Variants in HMCN2 observed in about 807,000 individuals in gnomAD.
HMCN2 encodes hemicentin-2.
A neutral mutation model predicts 377.5 loss-of-function variants in HMCN2; 325 were observed. The ratio of observed to expected loss-of-function variants is 0.86; its 90% CI spans 0.79 to 0.94. The LOEUF is 0.94. Among genes scored for constraint, HMCN2 ranks in the 40% least tolerant of loss-of-function variants. The pLI is 0.00. For synonymous variants in HMCN2, 2,007 were observed against 2,046.8 expected (o/e 0.98, Z 0.53); for missense variants, 4,543 against 4,725.3 (o/e 0.96, Z 1.13).
intron 15 of HMCN2, among the ~76,000 whole-genome samples, chr9:130,311,477 G>A (rs1424089911): frequency 6.6e-6 from 1 of 152,330 alleles, no homozygotes; most frequent in Non-Finnish European, 1.5e-5. Context: ...CACAGGGCAG[G>A]TGAGACACAG....
Position 130,351,485 on chromosome 9 carries a change from C to A in HMCN2, c.4493C>A (p.Thr1498Asn). 7.7e-7 allele frequency: 1 copy of A among 1,304,306 alleles called. No individual in the cohort carries two copies. Among genetic ancestry groups the A allele is most frequent in the African/African-American group, 1.5e-5 (1 of 65,990 alleles). 80.8% of individuals were successfully genotyped at this position (1,304,306 alleles called of 1,614,324 possible). Residue 1498 changes from threonine to asparagine, a missense_variant, in exon 30 of 98, where the codon ACC (threonine) becomes AAC (asparagine). Thr to Asn is a moderately conservative substitution (Grantham distance 65, BLOSUM62 0). This residue lies in a region of HMCN2 where 1,032 missense variants were observed against 1,285.1 expected (regional missense o/e 0.80). Coordinates refer to ENST00000683500, the MANE Select transcript of HMCN2 (RefSeq NM_001291815.2). The surrounding 1 kb of genome is among the most constrained non-coding windows in gnomAD (Gnocchi z 5.4). ...GAGGATGGCCAGGTTCTCAGGATCA[C>A]CGGCAGTCACGTGGGGGATGAGGGA... ...VQEDGQVLRI[T>N]GSHVGDEGRY...
chr9:130,328,866 CTTTCGTATGA>C (rs1396713960), intron 22 of HMCN2, among the ~76,000 whole-genome samples: 1 of 152,080 alleles, frequency 6.6e-6, no homozygotes, highest in African/African-American at 2.4e-5. Flanking sequence ...AACTCGCTCC[CTTTCGTATGA>C]TTTCCCTGCT....
At chr9:130,298,102 G>A (rs1311914665) in intron 7 of HMCN2, among the ~76,000 whole-genome samples, 1 of 152,074 alleles carries the variant, frequency 6.6e-6, no homozygotes, top group Non-Finnish European at 1.5e-5. Flanking sequence ...TTATAGGTGC[G>A]CGCTACACAC....
chr9:130,286,117 G>A (rs1048560536), intron 3 of HMCN2, 71 bp from the exon 4 acceptor site: 5 of 460,670 alleles, frequency 1.1e-5, no homozygotes, highest in Admixed American at 9.5e-5. Flanking sequence ...CACCCTGGTC[G>A]AGGTCCTGCT....
Position 130,433,340 on chromosome 9 carries a change from G to T in HMCN2, c.14895-8G>T. Reference sequence around the variant, plus strand: ...GTCCGCCTGTCCGTGTGTCTGTGCCGCCCGCAGGACGTGCTTCCGGCGCTG... The same window carrying T: ...GTCCGCCTGTCCGTGTGTCTGTGCCTCCCGCAGGACGTGCTTCCGGCGCTG... On this transcript the variant is annotated splice_region_variant and splice_polypyrimidine_tract_variant and intron_variant, in intron 97 of 97. Transcript: ENST00000683500. 3.5e-6 allele frequency: 5 copies of T among 1,436,244 alleles called. No individual in the cohort carries two copies. Among genetic ancestry groups the T allele is most frequent in the Non-Finnish European group, 4.5e-6 (5 of 1,102,670 alleles). The allele number at this position is 1,436,244 out of a possible 1,614,324, so 89.0% of individuals were successfully genotyped here.
Position 130,386,447 on chromosome 9 carries a change from C to G in HMCN2, c.9314C>G (p.Ser3105Trp), listed in dbSNP as rs1000646747. The G allele has an allele frequency of 7.7e-7, 1 of 1,302,912 alleles. No individual in the cohort carries two copies. Among genetic ancestry groups the G allele is most frequent in the African/African-American group, 1.5e-5 (1 of 65,826 alleles). The allele number at this position is 1,302,912 out of a possible 1,614,324, so 80.7% of individuals were successfully genotyped here. A position where few individuals can be genotyped will look rare whatever the true frequency, so the allele number is the denominator to read the frequency against. The part of the protein sequence containing the change: ...QRLEIQEAQV[S>W]DKGLYSCKVS... ...TGTGTGCTCTTCCTCTTTCAGGTAT[C>G]GGATAAAGGTTTATACAGCTGTAAA... Residue 3105 changes from serine (S) to tryptophan (W), a missense_variant, in exon 61 of 98, where the codon TCG (serine) becomes TGG (tryptophan). By Grantham distance (177) the Ser-to-Trp change is radical (BLOSUM62 -3). Transcript: ENST00000683500.
chr9:130,399,598 C>T lies in HMCN2; in HGVS notation c.11571C>T (p.Gly3857=), dbSNP rs1021731092. 6 of 1,289,500 alleles carry T rather than the reference C, an allele frequency of 4.7e-6. No individual in the cohort carries two copies. The highest frequency in any genetic ancestry group is 4.6e-5 in the African/African-American group (3 of 65,842). The allele number at this position is 1,289,500 out of a possible 1,614,324, so 79.9% of individuals were successfully genotyped here. The stretch of plus-strand genomic sequence containing the variant: ...AATGCGTGGTGAGCAATGAGGTGGG[C>T]GAGGCCCACAGGCTCTACCAGGTGA... ...QFECVVSNEV[G]EAHRLYQVTV... Residue 3857 remains glycine, a synonymous_variant, in exon 76 of 98, where the codon GGC becomes GGT. Coordinates refer to ENST00000683500, the MANE Select transcript of HMCN2 (RefSeq NM_001291815.2).
At chr9:130,359,232 C>A in intron 36 of HMCN2, 87 bp from the exon 37 acceptor site, 1 of 606,366 alleles carries the variant, frequency 1.6e-6, no homozygotes, top group Non-Finnish European at 2.6e-6. Flanking sequence ...CTATGGGGAG[C>A]AGGGAGCAGC....
At chr9:130,275,736 C>T (rs1016752185) in intron 1 of HMCN2, among the ~76,000 whole-genome samples, 1 of 152,174 alleles carries the variant, frequency 6.6e-6, no homozygotes, top group Admixed American at 6.5e-5. Flanking sequence ...AGGCGTGAGC[C>T]ACCACGCCCG....
At chr9:130,312,442 T>G (rs1255165189) in intron 15 of HMCN2, among the ~76,000 whole-genome samples, 1 of 151,310 alleles carries the variant, frequency 6.6e-6, no homozygotes, top group Non-Finnish European at 1.5e-5. Flanking sequence ...GCATCTGACT[T>G]ATTTGAAGCA....
At chr9:130,419,984 A>AC (rs1251574339) in intron 86 of HMCN2, among the ~76,000 whole-genome samples, 2 of 144,916 alleles carry the variant, frequency 1.4e-5, no homozygotes, top group Admixed American at 1.4e-4. Context: ...CGGTTCTCTG[A>AC]CCCCCCAGCC....
rs71387339 is a variant in HMCN2, at chr9:130,293,279, G to GTTTTTTTTTT, written c.613-1564_613-1555dup. Among the ~76,000 whole-genome samples the GTTTTTTTTTT allele has an allele frequency of 4.2e-4, 24 of 57,120 alleles. 4 individuals carry two copies. Among genetic ancestry groups the GTTTTTTTTTT allele is most frequent in the African/African-American group, 5.6e-4 (5 of 8,884 alleles). 37.5% of individuals were successfully genotyped at this position (57,120 alleles called of 152,430 possible). On this transcript the variant is annotated intron_variant, in intron 4 of 97. Coordinates refer to ENST00000683500, the MANE Select transcript of HMCN2 (RefSeq NM_001291815.2). ...TTCCAAATAAAATCTACTCACTAAA[G>GTTTTTTTTTT]TTTTTTTTTTTTTTTTTTTTTGCGG...
Position 130,424,891 on chromosome 9 carries a change from G to A in HMCN2, c.13497G>A (p.Glu4499=). Residue 4499 remains glutamate, a synonymous_variant, in exon 88 of 98, where the codon GAG becomes GAA. Coordinates refer to ENST00000683500, the MANE Select transcript of HMCN2 (RefSeq NM_001291815.2). ...TGACTGGGGGCAGGTTCCGGCAGGA[G>A]TCACACGTGGAGTTTGCTACAGGTA... ...HSLTGGRFRQ[E]SHVEFATGEL... The A allele has an allele frequency of 6.8e-7, 1 of 1,460,130 alleles. No individual in the cohort carries two copies. The highest frequency in any genetic ancestry group is 9.1e-7 in the Non-Finnish European group (1 of 1,100,728). 90.4% of individuals were successfully genotyped at this position (1,460,130 alleles called of 1,614,324 possible). A position where few individuals can be genotyped will look rare whatever the true frequency, so the allele number is the denominator to read the frequency against.
In HMCN2 at chr9:130,371,102, GCC is replaced by G. The variant is rs993038374; in HGVS notation, c.7211_7212del (p.Pro2404ArgfsTer52). ...TGGTTCCGAGGGGAGGAGCCTGTCA[GCC>G]CCGGGGAGGACACCTACCTGCTGGC... On this transcript the variant is annotated frameshift_variant, in exon 46 of 98. Coordinates refer to ENST00000683500, the MANE Select transcript of HMCN2 (RefSeq NM_001291815.2). LOFTEE classifies it high-confidence loss of function. The G allele has an allele frequency of 1.0e-6, 1 of 985,898 alleles. No homozygotes were observed. The highest frequency in any genetic ancestry group is 1.2e-6 in the Non-Finnish European group (1 of 830,062). 61.1% of individuals were successfully genotyped at this position (985,898 alleles called of 1,614,324 possible).
rs528253982 is a variant in HMCN2, at chr9:130,406,433, G to A, written c.12553+265G>A. 2.7e-4 allele frequency: 93 copies of A among 343,624 alleles called. 3 individuals carry two copies. Among genetic ancestry groups the A allele is most frequent in the South Asian group, 1.8e-3 (81 of 45,036 alleles). 21.3% of individuals were successfully genotyped at this position (343,624 alleles called of 1,614,324 possible). On this transcript the variant is annotated intron_variant, in intron 82 of 97. Coordinates refer to ENST00000683500, the MANE Select transcript of HMCN2 (RefSeq NM_001291815.2). ...CCTCAGGGCCAGGAAGGGGAGGCCTGTGTTCTAGTCCAGAGCTGCTGCTCC... is the reference window on the plus strand; with the variant it reads ...CCTCAGGGCCAGGAAGGGGAGGCCTATGTTCTAGTCCAGAGCTGCTGCTCC...
rs781995320 is a variant in HMCN2 at position 130,302,961 on chromosome 9, C to T, written c.1381C>T (p.Arg461Trp). ...HSALPFRLQL[R>W]RGEARLGEER... is the part of the protein sequence containing the mutation. The stretch of plus-strand genomic sequence containing the variant: ...TGCCCTTCCCTTCCGGCTGCAGCTG[C>T]GGCGAGGTGAAGCCAGGCTGGGCGA... The change falls in exon 9 of 98, where the codon CGG (arginine) becomes TGG (tryptophan). Residue 461 changes from arginine to tryptophan, a missense_variant. By Grantham distance (101) the Arg-to-Trp change is moderately radical. Coordinates refer to ENST00000683500, the MANE Select transcript of HMCN2 (RefSeq NM_001291815.2). 7 of 470,614 alleles carry T rather than the reference C, an allele frequency of 1.5e-5. No individual in the cohort carries two copies. The highest frequency in any genetic ancestry group is 2.2e-5 in the Non-Finnish European group (5 of 226,816). The allele number at this position is 470,614 out of a possible 1,614,324, so 29.2% of individuals were successfully genotyped here.
At chr9:130,321,574 G>A (rs889836455) in intron 18 of HMCN2, among the ~76,000 whole-genome samples, 1 of 152,062 alleles carries the variant, frequency 6.6e-6, no homozygotes, top group Admixed American at 6.5e-5. Flanking sequence ...GTATGTAGGG[G>A]TCAGGCCCAC....
At chr9:130,404,095 C>T (rs1842976257) in intron 80 of HMCN2, among the ~76,000 whole-genome samples, 1 of 152,234 alleles carries the variant, frequency 6.6e-6, no homozygotes, top group African/African-American at 2.4e-5. Flanking sequence ...GTCTAGCATC[C>T]CTCATTCATT....
chr9:130,399,775 C>A (rs560515163), intron 76 of HMCN2, 143 bp downstream of exon 76: 2 of 461,496 alleles, frequency 4.3e-6, no homozygotes, highest in Non-Finnish European at 6.8e-6. Flanking sequence ...TCTCTCAGAT[C>A]CTGCTGGGCC....
Sources: gnomAD v4.1 joint callset for allele counts (sites outside exome capture counted in the v4.1 genomes callset) on GRCh38, gnomAD v4.1.1 for gene constraint, gnomAD v4.1.1 regional missense constraint, Gnocchi (gnomAD v3.1) non-coding constraint, MANE v1.5 for transcripts, NCBI Gene and HGNC (gene_info 2026-07-23, HGNC 2026-07-21) for gene names.